Variants in GPC5 observed in about 807,000 individuals in gnomAD.
GPC5 encodes the protein glypican 5, also known as glypican-5.
Under a neutral mutation model 53.9 loss-of-function variants are expected in GPC5, and 47 were observed. The observed-to-expected ratio is 0.87, with a 90% CI of 0.69 to 1.11. The LOEUF (loss-of-function observed/expected upper bound fraction) is 1.11. GPC5 is among the 50% of genes most tolerant of loss of function. The pLI, the probability that GPC5 is intolerant of heterozygous loss-of-function variation, is 0.00. For missense variants in GPC5, 748 were observed against 713.1 expected, an observed-to-expected ratio of 1.05 and a Z score of -0.56; for synonymous variants, 286 against 263.3, an observed-to-expected ratio of 1.09 and a Z score of -0.84.
At chr13:92,216,547 C>G (rs2042411532) in intron 7 of GPC5, among the ~76,000 whole-genome samples, 1 of 152,108 alleles carries the variant, frequency 6.6e-6, no homozygotes, top group Admixed American at 6.5e-5. Context: ...GAAATTAGGC[C>G]ACTTTCGTAA....
chr13:92,385,741 G>A (rs545266375), intron 7 of GPC5, among the ~76,000 whole-genome samples: 15 of 120,878 alleles, frequency 1.2e-4, no homozygotes, highest in Non-Finnish European at 2.0e-4. Flanking sequence ...GTATATATAC[G>A]TATATATACA....
At chr13:91,534,458 A>G (rs560093901) in intron 2 of GPC5, among the ~76,000 whole-genome samples, 1 of 152,358 alleles carries the variant, frequency 6.6e-6, no homozygotes, top group African/African-American at 2.4e-5. Context: ...GAGCAATACT[A>G]TGCATGCATT....
intron 7 of GPC5, among the ~76,000 whole-genome samples, chr13:92,497,619 G>T (rs865857191): frequency 1.1e-4 from 16 of 151,298 alleles, no homozygotes; most frequent in African/African-American, 2.4e-4. Context: ...ATTTAAAGTT[G>T]TTTTTTTTCT....
Position 92,663,846 on chromosome 13 carries a change from CACACACACACTATATATATATATATATA to C in GPC5, c.1562-202435_1562-202408del, listed in dbSNP as rs1886458528. 5.4e-4 allele frequency among the ~76,000 whole-genome samples: 62 copies of C among 115,720 alleles called. 1 individual carries two copies. Among genetic ancestry groups the C allele is most frequent in the African/African-American group, 2.0e-3 (59 of 28,938 alleles). 75.9% of individuals were successfully genotyped at this position (115,720 alleles called of 152,430 possible). A position where few individuals can be genotyped will look rare whatever the true frequency, so the allele number is the denominator to read the frequency against. ...TATATACACACACTATATATATATA[CACACACACACTATATATATATATATATA>C]TATATATATATATATATATATATAT... On this transcript the variant is annotated intron_variant, in intron 7 of 7. Coordinates refer to ENST00000377067, the MANE Select transcript of GPC5 (RefSeq NM_004466.6).
chr13:92,086,621 C>T lies in GPC5; in HGVS notation c.1402-58209C>T, dbSNP rs188004756. 2.0e-5 allele frequency among the ~76,000 whole-genome samples: 3 copies of T among 151,926 alleles called. No individual in the cohort carries two copies. In the East Asian group the frequency reaches 5.8e-4, roughly 30 times the overall value. ...GAACACTTTTTTCTTCCACTTTTGC[C>T]TCACTTATTTACCAAACCTGTCTCT... On this transcript the variant is annotated intron_variant, in intron 6 of 7. Transcript: ENST00000377067.
chr13:92,072,008 G>T (rs1350932952), intron 6 of GPC5, among the ~76,000 whole-genome samples: 1 of 143,242 alleles, frequency 7.0e-6, no homozygotes. Context: ...TGTATTGATA[G>T]GTATTTATAT....
intron 7 of GPC5, among the ~76,000 whole-genome samples, chr13:92,221,722 T>A (rs1283579334): frequency 1.1e-5 from 1 of 94,980 alleles, no homozygotes; most frequent in Non-Finnish European, 2.6e-5. Flanking sequence ...GTTTTTCCTA[T>A]TTTTTTTCCA....
chr13:91,511,780 T>G (rs961302576), intron 2 of GPC5, among the ~76,000 whole-genome samples: 1 of 152,164 alleles, frequency 6.6e-6, no homozygotes, highest in African/African-American at 2.4e-5. Flanking sequence ...ATTATATTAC[T>G]TAACATATTT....
Position 92,453,797 on chromosome 13 carries a change from G to A in GPC5, c.1561+308808G>A, listed in dbSNP as rs145993085. On this transcript the variant is annotated intron_variant, in intron 7 of 7. Transcript: ENST00000377067. ...TATTCTTTCTTCATCCAGGCTGTTTGTCAATTTTATATAAATGTTGGAAAA... is the reference window on the plus strand; with the variant it reads ...TATTCTTTCTTCATCCAGGCTGTTTATCAATTTTATATAAATGTTGGAAAA... Among the ~76,000 whole-genome samples, 405 of 152,198 alleles carry A rather than the reference G, an allele frequency of 2.7e-3. 1 individual carries two copies. The highest frequency in any genetic ancestry group is 4.2e-3 in the Non-Finnish European group (287 of 68,010).
chr13:92,792,880 T>C (rs144796821), intron 7 of GPC5, among the ~76,000 whole-genome samples: 1,527 of 152,248 alleles, frequency 0.01, 21 homozygotes, highest in Non-Finnish European at 0.012. Context: ...CCCAGATTCA[T>C]AAAGCAAGTC....
intron 2 of GPC5, among the ~76,000 whole-genome samples, chr13:91,628,328 T>C (rs1229636183): frequency 1.3e-5 from 2 of 152,140 alleles, no homozygotes; most frequent in East Asian, 1.9e-4. Context: ...CTAATAATAA[T>C]ATATGAAAGA....
At chr13:91,896,992 A>G (rs934130339) in intron 5 of GPC5, among the ~76,000 whole-genome samples, 2 of 150,998 alleles carry the variant, frequency 1.3e-5, no homozygotes, top group African/African-American at 4.9e-5. Context: ...CAGGAATCCC[A>G]GTTATTTTCC....
rs73618489 is a variant in GPC5, at chr13:91,961,315, A to G, written c.1401+53258A>G. Among the ~76,000 whole-genome samples the G allele has an allele frequency of 3.3e-3, 500 of 152,084 alleles. 3 individuals are homozygous for G. Among genetic ancestry groups the G allele is most frequent in the African/African-American group, 0.011 (475 of 41,552 alleles). On this transcript the variant is annotated intron_variant, in intron 6 of 7. Transcript: ENST00000377067. ...ATATATATACAAATATTATGTAGCA[A>G]TTTAAAAAGATATTGTGATTAGTGA...
At chr13:92,455,823 A>C (rs1878242983) in intron 7 of GPC5, among the ~76,000 whole-genome samples, 1 of 152,224 alleles carries the variant, frequency 6.6e-6, no homozygotes, top group African/African-American at 2.4e-5. Context: ...GGGAAAAATA[A>C]ATAAGCATAA....
intron 2 of GPC5, among the ~76,000 whole-genome samples, chr13:91,578,631 A>T (rs899445382): frequency 4.6e-5 from 7 of 151,270 alleles, no homozygotes; most frequent in Non-Finnish European, 1.5e-5. Context: ...TTGTTTCTAG[A>T]AGGAAAAATG....
intron 7 of GPC5, among the ~76,000 whole-genome samples, chr13:92,408,957 T>G (rs1875924065): frequency 6.6e-6 from 1 of 152,090 alleles, no homozygotes. Context: ...ATCAGGTATA[T>G]AGCTTGTGAT....
chr13:92,506,261 G>A (rs1388357242), intron 7 of GPC5, among the ~76,000 whole-genome samples: 1 of 151,984 alleles, frequency 6.6e-6, no homozygotes, highest in Non-Finnish European at 1.5e-5. Context: ...AATCATTATA[G>A]GAACACACAC....
intron 7 of GPC5, among the ~76,000 whole-genome samples, chr13:92,779,395 C>G (rs1259361027): frequency 6.6e-6 from 1 of 151,956 alleles, no homozygotes; most frequent in African/African-American, 2.4e-5. Flanking sequence ...TGAGTTTGGA[C>G]TATCCTGATA....
At chr13:92,861,927 C>G (rs1879196204) in intron 7 of GPC5, among the ~76,000 whole-genome samples, 2 of 152,046 alleles carry the variant, frequency 1.3e-5, no homozygotes, top group South Asian at 4.1e-4. Flanking sequence ...ATAATTTAGC[C>G]AGAAAGATGT....
Sources: allele counts gnomAD v4.1 joint callset (sites outside exome capture counted in the v4.1 genomes callset), GRCh38; gene constraint gnomAD v4.1.1; transcripts MANE v1.5; gene names NCBI Gene and HGNC (gene_info 2026-07-23, HGNC 2026-07-21).